The following PPP1R12A variants were observed in gnomAD, a reference collection of about 807,000 sequenced individuals.
The protein encoded by PPP1R12A is protein phosphatase 1 regulatory subunit 12A, also known as myosin binding subunit.
Under a neutral mutation model 139.6 loss-of-function variants are expected in PPP1R12A, and 19 were observed. That is an observed-to-expected ratio of 0.14 (90% CI 0.09 to 0.20). The LOEUF is 0.20. PPP1R12A is among the 10% of genes least tolerant of loss of function. PPP1R12A has a pLI of 1.00. For missense variants in PPP1R12A, 925 were observed against 1,211.5 expected (o/e 0.76, Z 3.51); for synonymous variants, 427 against 420.6 (o/e 1.02, Z -0.19).
intron 20 of PPP1R12A, 78 bp downstream of exon 20, chr12:79,790,389 C>A: frequency 2.0e-6 from 2 of 1,015,948 alleles, no homozygotes; most frequent in Non-Finnish European, 2.7e-6. Flanking sequence ...TTACAAAATC[C>A]ATAAATTCCT....
intron 3 of PPP1R12A, among the ~76,000 whole-genome samples, chr12:79,842,782 C>T (rs1020438764): frequency 6.6e-6 from 1 of 152,074 alleles, no homozygotes; most frequent in Non-Finnish European, 1.5e-5. Context: ...CAGATCACTG[C>T]AGCCTGGAAC....
chr12:79,834,374 C>T (rs190784486), intron 3 of PPP1R12A, among the ~76,000 whole-genome samples: 13 of 152,226 alleles, frequency 8.5e-5, no homozygotes, highest in Admixed American at 3.9e-4. Context: ...CGTGGTGACA[C>T]GATCTGACTT....
chr12:79,854,328 G>C (rs551024086), intron 2 of PPP1R12A, among the ~76,000 whole-genome samples: 159 of 152,262 alleles, frequency 1.0e-3, no homozygotes, highest in African/African-American at 3.7e-3. Context: ...CCTTAGATCT[G>C]ATGAAATCCA....
chr12:79,894,123 A>G (rs79291159), intron 1 of PPP1R12A, among the ~76,000 whole-genome samples: 2,189 of 152,324 alleles, frequency 0.014, 45 homozygotes, highest in East Asian at 0.065. Flanking sequence ...TTATAGTGAC[A>G]TAACATAATG....
chr12:79,839,548 A>G (rs868435998), intron 3 of PPP1R12A, among the ~76,000 whole-genome samples: 44 of 151,592 alleles, frequency 2.9e-4, no homozygotes, highest in Middle Eastern at 3.2e-3. Flanking sequence ...CGTGGGAGGG[A>G]CTCCGTGTGA....
At chr12:79,885,290 A>G (rs1054554170) in intron 1 of PPP1R12A, among the ~76,000 whole-genome samples, 9 of 152,280 alleles carry the variant, frequency 5.9e-5, no homozygotes, top group Non-Finnish European at 1.0e-4. Context: ...AAAGTTTACT[A>G]TGAGAAATAT....
chr12:79,835,339 C>T (rs977068438), intron 3 of PPP1R12A, among the ~76,000 whole-genome samples: 1 of 152,080 alleles, frequency 6.6e-6, no homozygotes, highest in Non-Finnish European at 1.5e-5. Flanking sequence ...ACCAGCTTCT[C>T]TGGTTCTTCA....
At position 79,874,113 on chromosome 12, in the gene PPP1R12A, T is replaced by G. The variant is rs181843777; in HGVS notation, c.238-1175A>C. Among the ~76,000 whole-genome samples, 48 of 151,940 alleles carry G rather than the reference T, an allele frequency of 3.2e-4. 1 individual carries two copies. Among genetic ancestry groups the G allele is most frequent in the Middle Eastern group, 3.4e-3 (1 of 294 alleles). On this transcript the variant is annotated intron_variant, in intron 1 of 24. Transcript: ENST00000450142. ...CAACATGGTGAAACCCCTTCTCTAT[T>G]AAAAGTACAAAAATTAGCCAGGCAT...
chr12:79,820,744 A>T, intron 8 of PPP1R12A, 30 bp downstream of exon 8: 1 of 1,600,604 alleles, frequency 6.2e-7, no homozygotes, highest in South Asian at 1.1e-5. Flanking sequence ...CACAAAATTC[A>T]ACGAAAATGC....
At chr12:79,904,988 T>C (rs552811873) in intron 1 of PPP1R12A, among the ~76,000 whole-genome samples, 6 of 152,324 alleles carry the variant, frequency 3.9e-5, no homozygotes, top group African/African-American at 1.4e-4. Context: ...CCTAAAATAG[T>C]GAAATTCGTG....
intron 1 of PPP1R12A, among the ~76,000 whole-genome samples, chr12:79,890,895 CCACACCCACCCA>C (rs1277223681): frequency 0.017 from 1,821 of 104,632 alleles, 39 homozygotes; most frequent in African/African-American, 0.062. Flanking sequence ...CACCACCCAC[CCACACCCACCCA>C]CACACACACA....
At chr12:79,915,085 G>T (rs1886888289) in intron 1 of PPP1R12A, among the ~76,000 whole-genome samples, 1 of 152,020 alleles carries the variant, frequency 6.6e-6, no homozygotes, top group African/African-American at 2.4e-5. Context: ...ACTAGAGGTT[G>T]GTCTAACACT....
chr12:79,929,530 C>G (rs2136971184), intron 1 of PPP1R12A, among the ~76,000 whole-genome samples: 1 of 152,174 alleles, frequency 6.6e-6, no homozygotes, highest in East Asian at 1.9e-4. Context: ...CTTTGGGAGG[C>G]CAAGACGGGC....
chr12:79,813,822 TAAAAG>T (rs1874906637), intron 9 of PPP1R12A, among the ~76,000 whole-genome samples: 1 of 152,154 alleles, frequency 6.6e-6, no homozygotes, highest in Admixed American at 6.5e-5. Flanking sequence ...CCCAAGTTAT[TAAAAG>T]AAAATAAGCA....
intron 1 of PPP1R12A, among the ~76,000 whole-genome samples, chr12:79,905,092 C>T (rs930948970): frequency 6.6e-6 from 1 of 152,068 alleles, no homozygotes; most frequent in Admixed American, 6.5e-5. Context: ...AAATACCTTT[C>T]TTCACTAATT....
chr12:79,806,150 T>C lies in PPP1R12A; in HGVS notation c.1823+16A>G. ...GCACACAGTAGACCTGAGCACAAAA[T>C]GTATCTGTGACTTACCTGCTTTGTG... On this transcript the variant is annotated intron_variant, in intron 13 of 24. Coordinates refer to ENST00000450142, the MANE Select transcript of PPP1R12A (RefSeq NM_002480.3). The C allele has an allele frequency of 6.2e-7, 1 of 1,612,710 alleles. No homozygotes were observed. Among genetic ancestry groups the C allele is most frequent in the Non-Finnish European group, 8.5e-7 (1 of 1,178,988 alleles).
intron 1 of PPP1R12A, among the ~76,000 whole-genome samples, chr12:79,894,965 A>AT (rs993709414): frequency 6.6e-6 from 1 of 152,070 alleles, no homozygotes; most frequent in South Asian, 2.1e-4. Flanking sequence ...ATTTGCCAAA[A>AT]TTTTTTTTAA....
rs1406062330 is a variant in PPP1R12A, at chr12:79,838,416, G to GAA, written c.488-5927_488-5926dup. Among the ~76,000 whole-genome samples the GAA allele has an allele frequency of 4.6e-5, 7 of 152,388 alleles. No homozygotes were observed. The East Asian group carries it at 1.2e-3, about 25-fold the overall frequency. On this transcript the variant is annotated intron_variant, in intron 3 of 24. Coordinates refer to ENST00000450142, the MANE Select transcript of PPP1R12A (RefSeq NM_002480.3). ...TGGGGAGAAATTAAAGCTGGCTGCA[G>GAA]AAATTTGCATAAGTAACGAGTAACC... is the stretch of plus-strand genomic sequence containing the variant.
At chr12:79,818,624 G>C (rs1442284285) in intron 8 of PPP1R12A, among the ~76,000 whole-genome samples, 1 of 152,086 alleles carries the variant, frequency 6.6e-6, no homozygotes, top group Non-Finnish European at 1.5e-5. Context: ...GAACAAAAAA[G>C]TCCTAGAAGA....
Sources: gnomAD v4.1 joint callset for allele counts (sites outside exome capture counted in the v4.1 genomes callset) on GRCh38, gnomAD v4.1.1 for gene constraint, MANE v1.5 for transcripts, NCBI Gene and HGNC (gene_info 2026-07-23, HGNC 2026-07-21) for gene names.